CHMP7: variants seen among roughly 807,000 people sequenced by gnomAD.
CHMP7 encodes the protein charged multivesicular body protein 7.
A neutral mutation model predicts 53.7 loss-of-function variants in CHMP7; 15 were observed. The observed-to-expected ratio is 0.28, with a 90% confidence interval of 0.19 to 0.43. The LOEUF (loss-of-function observed/expected upper bound fraction) is 0.43. Among genes scored for constraint, CHMP7 ranks in the 20% least tolerant of loss-of-function variants. The pLI, the probability that CHMP7 is intolerant of heterozygous loss-of-function variation, is 1.00. For synonymous variants in CHMP7, 261 were observed against 228.0 expected (o/e 1.14, Z -1.30); for missense variants, 527 against 569.4 (o/e 0.93, Z 0.76).
intron 3 of CHMP7, chr8:23,254,798 G>A (rs1802061594): frequency 1.3e-5 from 3 of 231,940 alleles, no homozygotes; most frequent in Middle Eastern, 1.7e-3. Flanking sequence ...AATTGGAAGG[G>A]AATTAGATGT....
chr8:23,247,556 A>AG (rs1801754305), intron 2 of CHMP7, among the ~76,000 whole-genome samples: 1 of 152,190 alleles, frequency 6.6e-6, no homozygotes, highest in Non-Finnish European at 1.5e-5. Context: ...AAAGGTCTGT[A>AG]GGAGATACGT....
intron 1 of CHMP7, chr8:23,245,987 TA>T (rs2128856143): frequency 6.6e-6 from 1 of 152,234 alleles, no homozygotes; most frequent in African/African-American, 2.4e-5. Flanking sequence ...TGATATTGAG[TA>T]TTTGTTTTTT....
chr8:23,252,089 G>A (rs1038366612), intron 3 of CHMP7, among the ~76,000 whole-genome samples: 5 of 149,992 alleles, frequency 3.3e-5, no homozygotes, highest in African/African-American at 7.3e-5. Flanking sequence ...AAAATGATAC[G>A]TCCTGTTTGT....
rs548429853 is a variant in CHMP7 at position 23,253,910 on chromosome 8, GT to G, written c.472-1335del. Among the ~76,000 whole-genome samples, 808 of 152,272 alleles carry G rather than the reference GT, an allele frequency of 5.3e-3. 21 individuals carry two copies. The highest frequency in any genetic ancestry group is 0.018 in the African/African-American group (758 of 41,554). ...ACAATCCATCGTCTCCCAATTGGCA[GT>G]TAGCTTTCTGTTAATCTAGCCATGT... On this transcript the variant is annotated intron_variant, in intron 3 of 10. Coordinates refer to ENST00000397677, the MANE Select transcript of CHMP7 (RefSeq NM_152272.5).
chr8:23,258,263 A>G, intron 6 of CHMP7, 67 bp from the exon 7 acceptor site: 1 of 1,603,074 alleles, frequency 6.2e-7, no homozygotes. Context: ...GCGTCTGGGA[A>G]GGGCTGTCTT....
chr8:23,257,361 G>T (rs758792654), intron 5 of CHMP7, among the ~76,000 whole-genome samples: 17 of 152,294 alleles, frequency 1.1e-4, no homozygotes, highest in Non-Finnish European at 2.1e-4. Context: ...CTCCCAAAGT[G>T]CTGGGATTAC....
intron 5 of CHMP7, among the ~76,000 whole-genome samples, chr8:23,257,810 A>C (rs1802199666): frequency 6.6e-6 from 1 of 152,230 alleles, no homozygotes; most frequent in Non-Finnish European, 1.5e-5. Context: ...TGTGGGTTGA[A>C]AAAGCTTATC....
chr8:23,249,496 T>G, intron 3 of CHMP7, 115 bp downstream of exon 3: 1 of 760,190 alleles, frequency 1.3e-6, no homozygotes. Flanking sequence ...GGCTACTGAG[T>G]TGATAACTGA....
intron 4 of CHMP7, among the ~76,000 whole-genome samples, chr8:23,256,214 A>C (rs1448505601): frequency 6.6e-6 from 1 of 152,242 alleles, no homozygotes; most frequent in Non-Finnish European, 1.5e-5. Context: ...GTTTGCTAGG[A>C]TCTACAGTAA....
chr8:23,260,069 G>T lies in CHMP7; in HGVS notation c.1121-75G>T. The T allele has an allele frequency of 2.4e-6, 3 of 1,268,084 alleles. No homozygotes were observed. The South Asian group carries it at 4.1e-5, about 17-fold the overall frequency. 78.6% of individuals were successfully genotyped at this position (1,268,084 alleles called of 1,614,324 possible). A position where few individuals can be genotyped will look rare whatever the true frequency, so the allele number is the denominator to read the frequency against. On this transcript the variant is annotated intron_variant, in intron 9 of 10. Coordinates refer to ENST00000397677, the MANE Select transcript of CHMP7 (RefSeq NM_152272.5). ...CTTTTGTAAAGCTAAGCGGGTTTTG[G>T]TAACCTCAGTCCTGTACTCATTAAT...
intron 1 of CHMP7, among the ~76,000 whole-genome samples, chr8:23,244,751 G>C (rs1224398300): frequency 1.3e-5 from 2 of 152,102 alleles, no homozygotes; most frequent in Non-Finnish European, 2.9e-5. Context: ...TGATAATATT[G>C]AGTTTTCCTG....
intron 1 of CHMP7, among the ~76,000 whole-genome samples, chr8:23,245,280 C>A (rs1801645984): frequency 6.6e-6 from 1 of 152,192 alleles, no homozygotes; most frequent in East Asian, 1.9e-4. Flanking sequence ...TGTTTATGTT[C>A]TTTATCAAGT....
At chr8:23,244,026 C>T (rs1473194462) in intron 1 of CHMP7, among the ~76,000 whole-genome samples, 182 bp downstream of exon 1, 2 of 150,668 alleles carry the variant, frequency 1.3e-5, no homozygotes, top group Non-Finnish European at 3.0e-5. Context: ...CTTAAGAGTT[C>T]CTCGTGTGTT....
At chr8:23,250,620 CTGTGTGTGTGTGTG>C (rs59970101) in intron 3 of CHMP7, among the ~76,000 whole-genome samples, 17,311 of 143,126 alleles carry the variant, frequency 0.12, 1,390 homozygotes, top group South Asian at 0.23. Flanking sequence ...TGATAGGGGC[CTGTGTGTGTGTGTG>C]TGTGTGTGTG....
Position 23,260,334 on chromosome 8 carries a change from G to C in CHMP7, c.1300+11G>C, listed in dbSNP as rs2128861038. 6.2e-7 allele frequency: 1 copy of C among 1,614,022 alleles called. No individual in the cohort carries two copies. The highest frequency in any genetic ancestry group is 1.1e-5 in the South Asian group (1 of 91,074). The stretch of plus-strand genomic sequence containing the variant: ...CCTTATCAGAGGGAGGTATGGAGCT[G>C]TTTTCCAAGGCCTTTGGAGGGCATA... On this transcript the variant is annotated intron_variant, in intron 10 of 10. Transcript: ENST00000397677.
In CHMP7 at chr8:23,255,477, T is replaced by A. The variant is rs375158904; in HGVS notation, c.657+45T>A. ...CATTCACTGACTCAGCAGTGATTGA[T>A]TAAGTACATAGAGTAGTGAGCCCTT... On this transcript the variant is annotated intron_variant, in intron 4 of 10. Transcript: ENST00000397677. 3.9e-5 allele frequency: 62 copies of A among 1,572,710 alleles called. No individual in the cohort carries two copies. In the African/African-American group the frequency reaches 8.2e-4, roughly 21 times the overall value.
intron 4 of CHMP7, 42 bp from the exon 5 acceptor site, chr8:23,256,418 C>A (rs768780477): frequency 5.9e-6 from 9 of 1,515,094 alleles, no homozygotes; most frequent in Admixed American, 5.0e-5. Flanking sequence ...AATTTCTCAG[C>A]CTTTGTGGTA....
At chr8:23,260,099 T>G in intron 9 of CHMP7, 45 bp from the exon 10 acceptor site, 2 of 1,528,168 alleles carry the variant, frequency 1.3e-6, no homozygotes, top group Non-Finnish European at 1.8e-6. Context: ...ATTAATGCAT[T>G]TCTCCCTTGA....
chr8:23,258,580 C>T (rs192390662), intron 7 of CHMP7, 131 bp downstream of exon 7: 189 of 1,380,388 alleles, frequency 1.4e-4, no homozygotes, highest in Admixed American at 4.7e-4. Context: ...TTTGCCTTTC[C>T]AGTCAGGAGG....
Sources: allele counts gnomAD v4.1 joint callset (sites outside exome capture counted in the v4.1 genomes callset), GRCh38; gene constraint gnomAD v4.1.1; transcripts MANE v1.5; gene names NCBI Gene and HGNC (gene_info 2026-07-23, HGNC 2026-07-21).